AP2B1: variants seen among roughly 807,000 people sequenced by gnomAD.
The protein encoded by AP2B1 is AP-2 complex subunit beta.
Under a neutral mutation model 102.0 loss-of-function variants are expected in AP2B1, and 23 were observed. That is an observed-to-expected ratio of 0.23 (90% CI 0.16 to 0.32). AP2B1 has a LOEUF of 0.32. AP2B1 is among the 10% of genes least tolerant of loss of function. The pLI, the probability that AP2B1 is intolerant of heterozygous loss-of-function variation, is 1.00. For synonymous variants in AP2B1, 381 were observed against 421.2 expected (o/e 0.90, Z 1.17); for missense variants, 541 against 1,157.4 (o/e 0.47, Z 7.73).
At chr17:35,629,175 T>C (rs1289285384) in intron 9 of AP2B1, among the ~76,000 whole-genome samples, 4 of 152,166 alleles carry the variant, frequency 2.6e-5, no homozygotes, top group Non-Finnish European at 5.9e-5. Context: ...CTTGAACTCC[T>C]AGCCTCAAGT....
chr17:35,679,213 T>C lies in AP2B1; in HGVS notation c.2325-3482T>C, dbSNP rs555794822. 2.0e-5 allele frequency among the ~76,000 whole-genome samples: 3 copies of C among 152,296 alleles called. No individual in the cohort carries two copies. The South Asian group carries it at 6.2e-4, about 32-fold the overall frequency. On this transcript the variant is annotated intron_variant, in intron 17 of 21. Coordinates refer to ENST00000610402, the MANE Select transcript of AP2B1 (RefSeq NM_001030006.2). Reference sequence around the variant, plus strand: ...GAACGTTTCCTTCTTTGCTCTGGTGTAGCCACAGCTTCTTAGCCTCTCTGA... The same window carrying C: ...GAACGTTTCCTTCTTTGCTCTGGTGCAGCCACAGCTTCTTAGCCTCTCTGA...
At chr17:35,631,293 G>T (rs1343030806) in intron 9 of AP2B1, among the ~76,000 whole-genome samples, 2 of 151,986 alleles carry the variant, frequency 1.3e-5, no homozygotes, top group Non-Finnish European at 2.9e-5. Flanking sequence ...ATATTGGTTT[G>T]TGTGTCATTT....
At chr17:35,689,264 C>T (rs2075995396) in intron 18 of AP2B1, among the ~76,000 whole-genome samples, 1 of 152,164 alleles carries the variant, frequency 6.6e-6, no homozygotes, top group Non-Finnish European at 1.5e-5. Context: ...ACTGCAACCT[C>T]TGCCTCCCGG....
intron 14 of AP2B1, among the ~76,000 whole-genome samples, chr17:35,666,874 ACCTGTAAT>A (rs2075478383): frequency 6.6e-6 from 1 of 152,176 alleles, no homozygotes; most frequent in Admixed American, 6.5e-5. Context: ...AATGATTCAT[ACCTGTAAT>A]CCCAGCACTT....
At position 35,682,404 on chromosome 17, in the gene AP2B1, G is replaced by A. The variant is rs1386926269; in HGVS notation, c.2325-291G>A. On this transcript the variant is annotated intron_variant, in intron 17 of 21. Transcript: ENST00000610402. Reference sequence around the variant, plus strand: ...ATTGACCAGGCTGGAGTGCAATGGTGCGATCTCGGCTCACTACAACCTCCG... The same window carrying A: ...ATTGACCAGGCTGGAGTGCAATGGTACGATCTCGGCTCACTACAACCTCCG... Among the ~76,000 whole-genome samples, 3 of 138,674 alleles carry A rather than the reference G, an allele frequency of 2.2e-5. No individual in the cohort carries two copies. The Admixed American group carries it at 2.4e-4, about 11-fold the overall frequency. The allele number at this position is 138,674 out of a possible 152,430, so 91.0% of individuals were successfully genotyped here.
intron 2 of AP2B1, among the ~76,000 whole-genome samples, chr17:35,596,543 G>A (rs540944014): frequency 4.6e-5 from 7 of 151,536 alleles, no homozygotes; most frequent in African/African-American, 1.7e-4. Context: ...TGGAGGAGGG[G>A]AGGTCAGGTT....
At chr17:35,618,811 G>A (rs1448920199) in intron 5 of AP2B1, among the ~76,000 whole-genome samples, 1 of 152,058 alleles carries the variant, frequency 6.6e-6, no homozygotes, top group African/African-American at 2.4e-5. Flanking sequence ...ATCCTCAACT[G>A]CTGCATATAA....
chr17:35,708,892 T>C (rs1039665065), intron 18 of AP2B1, among the ~76,000 whole-genome samples: 1 of 152,172 alleles, frequency 6.6e-6, no homozygotes, highest in Middle Eastern at 3.2e-3. Flanking sequence ...AGAAATAATA[T>C]CATTAATAGG....
chr17:35,696,906 G>A (rs1598311856), intron 18 of AP2B1, among the ~76,000 whole-genome samples: 2 of 152,196 alleles, frequency 1.3e-5, no homozygotes, highest in African/African-American at 2.4e-5. Context: ...GGCCTGGAAC[G>A]ATGTCTGGCA....
At chr17:35,690,897 A>AT (rs2039088372) in intron 18 of AP2B1, among the ~76,000 whole-genome samples, 1 of 152,148 alleles carries the variant, frequency 6.6e-6, no homozygotes, top group South Asian at 2.1e-4. Flanking sequence ...GCACCTTAAC[A>AT]TTTTTTCTTT....
chr17:35,670,065 G>GA (rs949632789), intron 14 of AP2B1, among the ~76,000 whole-genome samples: 41 of 152,176 alleles, frequency 2.7e-4, no homozygotes, highest in Middle Eastern at 3.4e-3. Flanking sequence ...AGAATCCTGA[G>GA]AAAAAAAGCA....
At chr17:35,710,356 G>A in intron 20 of AP2B1, 36 bp downstream of exon 20, 3 of 1,398,654 alleles carry the variant, frequency 2.1e-6, no homozygotes, top group Non-Finnish European at 3.0e-6. Context: ...TTTCATCTTA[G>A]TAAATCAAAT....
rs1488321166 is a variant in AP2B1, at chr17:35,709,263, T to A, written c.2494T>A (p.Cys832Ser). The change falls in exon 19 of 22, where the codon TGC becomes AGC. Residue 832 changes from cysteine (C) to serine (S), a missense_variant. Physicochemically the swap from Cys to Ser is moderately radical, Grantham distance 112 (BLOSUM62 -1). Around this residue, in one of 10 missense-constraint regions of AP2B1, gnomAD observed 117 missense variants for 206.7 expected, o/e 0.57. Coordinates refer to ENST00000610402, the MANE Select transcript of AP2B1 (RefSeq NM_001030006.2). ...KNNIDVFYFSCLIPLNVLFVE... is the reference protein window; with the variant it reads ...KNNIDVFYFSSLIPLNVLFVE... ...CAATATCGATGTCTTCTACTTCAGC[T>A]GCCTCATCCCACTCAATGTGCTTTT... is the stretch of plus-strand genomic sequence containing the variant. 1 of 1,614,076 alleles carries A rather than the reference T, an allele frequency of 6.2e-7. No individual in the cohort carries two copies. The highest frequency in any genetic ancestry group is 8.5e-7 in the Non-Finnish European group (1 of 1,180,044).
intron 21 of AP2B1, among the ~76,000 whole-genome samples, chr17:35,722,834 C>T (rs375677293): frequency 3.3e-5 from 5 of 152,272 alleles, no homozygotes; most frequent in African/African-American, 9.6e-5. Context: ...TAATCTAATA[C>T]AATTAAGATT....
At chr17:35,632,986 A>G (rs2074504996) in intron 9 of AP2B1, among the ~76,000 whole-genome samples, 1 of 152,134 alleles carries the variant, frequency 6.6e-6, no homozygotes, top group Admixed American at 6.6e-5. Context: ...TGCTGTTGCA[A>G]TAACAGCAAA....
chr17:35,675,847 AT>A (rs1296172927), intron 17 of AP2B1, among the ~76,000 whole-genome samples: 2 of 152,062 alleles, frequency 1.3e-5, no homozygotes, highest in Non-Finnish European at 2.9e-5. Flanking sequence ...AAATCATCAA[AT>A]TCTTTTATAT....
chr17:35,632,389 C>T (rs1472761023), intron 9 of AP2B1, among the ~76,000 whole-genome samples: 1 of 152,150 alleles, frequency 6.6e-6, no homozygotes, highest in Non-Finnish European at 1.5e-5. Flanking sequence ...CCCGCCTTGG[C>T]CTCCCAAAAT....
chr17:35,590,940 C>T (rs541388816), intron 1 of AP2B1, among the ~76,000 whole-genome samples: 2 of 151,966 alleles, frequency 1.3e-5, no homozygotes, highest in South Asian at 2.1e-4. Context: ...TTTGGGAGGC[C>T]GAGGTGGATG....
At chr17:35,659,265 G>A (rs909272579) in intron 14 of AP2B1, among the ~76,000 whole-genome samples, 2 of 152,118 alleles carry the variant, frequency 1.3e-5, no homozygotes, top group Non-Finnish European at 2.9e-5. Context: ...ATTCCCTGGT[G>A]GGGAAGCTTA....
Sources: gnomAD v4.1 joint callset for allele counts (sites outside exome capture counted in the v4.1 genomes callset) on GRCh38, gnomAD v4.1.1 for gene constraint, gnomAD v4.1.1 regional missense constraint, MANE v1.5 for transcripts, NCBI Gene and HGNC (gene_info 2026-07-23, HGNC 2026-07-21) for gene names.